Variants in SLC24A2 observed in about 807,000 individuals in gnomAD.
The protein encoded by SLC24A2 is sodium/potassium/calcium exchanger 2.
SLC24A2 carries 36 observed loss-of-function variants against 62.0 expected under a neutral mutation model. The observed-to-expected ratio is 0.58, with a 90% CI of 0.44 to 0.77. The LOEUF (loss-of-function observed/expected upper bound fraction) is 0.77, where lower values mean the gene tolerates loss of function less well. Ranked by LOEUF, SLC24A2 falls within the 30% of genes least tolerant of loss-of-function variation. The probability of loss-of-function intolerance (pLI) is 0.00; values close to 1 mark genes in which losing one functional copy is unlikely to be tolerated. For missense variants in SLC24A2, 846 were observed against 817.9 expected, an observed-to-expected ratio of 1.03 and a Z score of -0.42; for synonymous variants, 358 against 294.0, an observed-to-expected ratio of 1.22 and a Z score of -2.23.
chr9:20,106,193 G>C, the SLC24A2 span, among the ~76,000 whole-genome samples: 4 of 152,182 alleles, frequency 2.6e-5, no homozygotes, highest in African/African-American at 4.8e-5. Context: ...ATCTGAAATT[G>C]TGGCAATAAT....
chr9:20,072,655 T>C, the SLC24A2 span, among the ~76,000 whole-genome samples: 1 of 152,042 alleles, frequency 6.6e-6, no homozygotes, highest in East Asian at 1.9e-4. Flanking sequence ...CATGATGTAA[T>C]CGCAATGATC....
At chr9:19,852,783 A>G in the SLC24A2 span, among the ~76,000 whole-genome samples, 1 of 152,064 alleles carries the variant, frequency 6.6e-6, no homozygotes, top group Non-Finnish European at 1.5e-5. Flanking sequence ...TTTGCTTAAG[A>G]TTGTCTTGGC....
At chr9:19,534,968 CCCA>C (rs1833886894) in intron 8 of SLC24A2, among the ~76,000 whole-genome samples, 1 of 152,166 alleles carries the variant, frequency 6.6e-6, no homozygotes, top group Admixed American at 6.5e-5. Flanking sequence ...AACTTACACC[CCCA>C]CCAACAGTGT....
chr9:20,180,406 G>A, the SLC24A2 span, among the ~76,000 whole-genome samples: 1 of 152,024 alleles, frequency 6.6e-6, no homozygotes, highest in African/African-American at 2.4e-5. Flanking sequence ...ACCCGTCTTT[G>A]TAATAAACTC....
At chr9:20,272,457 C>T in the SLC24A2 span, among the ~76,000 whole-genome samples, 1 of 152,154 alleles carries the variant, frequency 6.6e-6, no homozygotes, top group Non-Finnish European at 1.5e-5. Flanking sequence ...AAGCTGAGTA[C>T]TAGGTAGTGT....
At chr9:20,180,893 C>T in the SLC24A2 span, among the ~76,000 whole-genome samples, 1 of 152,142 alleles carries the variant, frequency 6.6e-6, no homozygotes, top group Admixed American at 6.5e-5. Flanking sequence ...GTTTCTTCCC[C>T]GTTTCTCTTG....
rs1158119489 is a variant in SLC24A2 at position 19,599,562 on chromosome 9, C to A, written c.1079-2283G>T. On this transcript the variant is annotated intron_variant, in intron 4 of 10. Coordinates refer to ENST00000341998, the MANE Select transcript of SLC24A2 (RefSeq NM_020344.4). The surrounding 1 kb of genome is among the most constrained non-coding windows in gnomAD (Gnocchi z 4.5). ...GGAAACCAGCCTGCTAGAATACGGT[C>A]TTTAGCACTAACAGCAACAGGATGG... 2.0e-5 allele frequency among the ~76,000 whole-genome samples: 3 copies of A among 152,158 alleles called. No homozygotes were observed. The highest frequency in any genetic ancestry group is 4.4e-5 in the Non-Finnish European group (3 of 68,030).
At chr9:19,683,858 GCCC>G (rs1819795602) in intron 2 of SLC24A2, among the ~76,000 whole-genome samples, 2 of 152,062 alleles carry the variant, frequency 1.3e-5, no homozygotes, top group Non-Finnish European at 2.9e-5. Context: ...CCGGTCCTGG[GCCC>G]AGGGGCTCCA....
the SLC24A2 span, among the ~76,000 whole-genome samples, chr9:20,303,653 G>C: frequency 6.6e-6 from 1 of 152,172 alleles, no homozygotes; most frequent in Non-Finnish European, 1.5e-5. Context: ...CCAACCCTTA[G>C]CTGCCCAATT....
At chr9:19,747,039 A>G (rs1821853186) in intron 2 of SLC24A2, among the ~76,000 whole-genome samples, 1 of 152,194 alleles carries the variant, frequency 6.6e-6, no homozygotes. Flanking sequence ...TCATTAGAGT[A>G]TAACCTCTTT....
At chr9:20,088,394 G>A in the SLC24A2 span, among the ~76,000 whole-genome samples, 2 of 152,216 alleles carry the variant, frequency 1.3e-5, no homozygotes, top group African/African-American at 2.4e-5. Flanking sequence ...CTAGGGACTG[G>A]AGCAGTCCTC....
the SLC24A2 span, among the ~76,000 whole-genome samples, chr9:20,277,470 C>A: frequency 6.6e-5 from 10 of 151,228 alleles, no homozygotes; most frequent in African/African-American, 1.7e-4. Context: ...TAGGCAGCCG[C>A]AAGACACATG....
chr9:20,281,047 A>T, the SLC24A2 span, among the ~76,000 whole-genome samples: 1 of 152,094 alleles, frequency 6.6e-6, no homozygotes, highest in African/African-American at 2.4e-5. Flanking sequence ...CCCCAACCTC[A>T]GCCTCCCAAG....
At chr9:19,758,059 C>T (rs1056684728) in intron 2 of SLC24A2, among the ~76,000 whole-genome samples, 1 of 152,056 alleles carries the variant, frequency 6.6e-6, no homozygotes, top group Non-Finnish European at 1.5e-5. Flanking sequence ...GCTAAATAAA[C>T]TTTTTTTCTT....
At chr9:19,743,785 G>T (rs923060940) in intron 2 of SLC24A2, among the ~76,000 whole-genome samples, 6 of 152,026 alleles carry the variant, frequency 3.9e-5, no homozygotes, top group African/African-American at 1.4e-4. Flanking sequence ...AAAAAGCATG[G>T]ACATTTAGAC....
chr9:20,253,704 T>C, the SLC24A2 span, among the ~76,000 whole-genome samples: 2 of 152,238 alleles, frequency 1.3e-5, no homozygotes, highest in Non-Finnish European at 2.9e-5. Flanking sequence ...TGTGAACTGC[T>C]GCACGTGAGT....
intron 7 of SLC24A2, among the ~76,000 whole-genome samples, chr9:19,565,070 T>C (rs923025821): frequency 3.3e-5 from 5 of 152,072 alleles, no homozygotes; most frequent in East Asian, 1.9e-4. Context: ...GGATGTCTTC[T>C]CTCACCACTC....
At chr9:19,915,681 C>G in the SLC24A2 span, among the ~76,000 whole-genome samples, 736 of 152,110 alleles carry the variant, frequency 4.8e-3, 10 homozygotes, top group African/African-American at 0.017. Context: ...TTGCCTTTTT[C>G]TAATTCCTAA....
chr9:19,513,173 T>C lies in SLC24A2; in HGVS notation c.*2980A>G, dbSNP rs1400288031. ...ATAAAGATATATATATATATATATATATGTATATATATATATATGTATATA... is the reference window on the plus strand; with the variant it reads ...ATAAAGATATATATATATATATATACATGTATATATATATATATGTATATA... On this transcript the variant is annotated 3_prime_UTR_variant, in exon 11 of 11. Transcript: ENST00000341998. The C allele has an allele frequency of 3.3e-5, 2 of 59,702 alleles. No individual in the cohort carries two copies. Among genetic ancestry groups the C allele is most frequent in the African/African-American group, 1.3e-4 (2 of 15,428 alleles). 3.7% of individuals were successfully genotyped at this position (59,702 alleles called of 1,614,324 possible).
Sources: allele counts gnomAD v4.1 joint callset (sites outside exome capture counted in the v4.1 genomes callset), GRCh38; gene constraint gnomAD v4.1.1; non-coding constraint Gnocchi (gnomAD v3.1); transcripts MANE v1.5; gene names NCBI Gene and HGNC (gene_info 2026-07-23, HGNC 2026-07-21).